PTPRM: variants seen among roughly 807,000 people sequenced by gnomAD.
The protein encoded by PTPRM is protein tyrosine phosphatase receptor type M.
In PTPRM, 47 loss-of-function variants were observed where a neutral mutation model predicts 186.7. The ratio of observed to expected loss-of-function variants is 0.25; its 90% CI spans 0.20 to 0.32. The LOEUF (loss-of-function observed/expected upper bound fraction) is 0.32, where lower values mean the gene tolerates loss of function less well. PTPRM is among the 10% of genes least tolerant of loss of function. The probability of loss-of-function intolerance (pLI) is 1.00; values close to 1 mark genes in which losing one functional copy is unlikely to be tolerated. For synonymous variants in PTPRM, 668 were observed against 674.9 expected (o/e 0.99, Z 0.16); for missense variants, 1,494 against 1,865.0 (o/e 0.80, Z 3.66).
chr18:8,387,464 T>G (rs2095783112), intron 31 of PTPRM, among the ~76,000 whole-genome samples: 1 of 151,124 alleles, frequency 6.6e-6, no homozygotes, highest in Non-Finnish European at 1.5e-5. Context: ...GCACTGACCG[T>G]TTCATTAGGA....
intron 1 of PTPRM, among the ~76,000 whole-genome samples, chr18:7,646,868 G>C (rs1050373474): frequency 6.6e-6 from 1 of 151,754 alleles, no homozygotes; most frequent in Non-Finnish European, 1.5e-5. Context: ...CATCATCCTT[G>C]TTTCCTCCAA....
intron 4 of PTPRM, among the ~76,000 whole-genome samples, chr18:7,907,217 C>A (rs755365476): frequency 6.6e-6 from 1 of 152,228 alleles, no homozygotes; most frequent in Non-Finnish European, 1.5e-5. Flanking sequence ...ATTGCTAGAT[C>A]TGTTTCTCCC....
chr18:7,775,702 T>C (rs996646306), intron 2 of PTPRM, among the ~76,000 whole-genome samples: 3 of 152,224 alleles, frequency 2.0e-5, no homozygotes, highest in African/African-American at 7.2e-5. Flanking sequence ...ATAAAAAATT[T>C]GAAATATTTC....
chr18:8,351,487 A>T (rs1372919311), intron 23 of PTPRM, among the ~76,000 whole-genome samples: 1 of 152,158 alleles, frequency 6.6e-6, no homozygotes, highest in Non-Finnish European at 1.5e-5. Context: ...CTTCTCAGCC[A>T]TTCCTGTGCA....
At chr18:7,840,433 C>A (rs907215050) in intron 2 of PTPRM, among the ~76,000 whole-genome samples, 4 of 152,172 alleles carry the variant, frequency 2.6e-5, no homozygotes, top group African/African-American at 9.7e-5. Flanking sequence ...CTGAAGGTAT[C>A]GTATTTTGAA....
chr18:7,755,348 G>C (rs1362265277), intron 1 of PTPRM: 1 of 152,120 alleles, frequency 6.6e-6, no homozygotes, highest in Non-Finnish European at 1.5e-5. Context: ...TGGATACTGT[G>C]ATCTCTTCAA....
chr18:7,974,104 G>C (rs529247227), intron 7 of PTPRM, among the ~76,000 whole-genome samples: 23 of 152,234 alleles, frequency 1.5e-4, no homozygotes, highest in African/African-American at 5.3e-4. Flanking sequence ...GCCTGAGAAT[G>C]TGGCAGGCAG....
chr18:8,295,577 T>A (rs2095088243), intron 19 of PTPRM, among the ~76,000 whole-genome samples: 1 of 152,300 alleles, frequency 6.6e-6, no homozygotes, highest in East Asian at 1.9e-4. Context: ...AGGAAGTATG[T>A]GAGTACCGTG....
At chr18:7,608,768 C>T (rs1461884267) in intron 1 of PTPRM, among the ~76,000 whole-genome samples, 2 of 152,144 alleles carry the variant, frequency 1.3e-5, no homozygotes, top group South Asian at 2.1e-4. Flanking sequence ...CAGCTGTCTT[C>T]GGGAAGCTGG....
At chr18:8,248,002 C>CTCAA in intron 16 of PTPRM, 83 bp downstream of exon 16, 1 of 1,376,854 alleles carries the variant, frequency 7.3e-7, no homozygotes, top group Non-Finnish European at 1.0e-6. Flanking sequence ...ATCCCTGGTG[C>CTCAA]TTGAGGGGCT....
intron 1 of PTPRM, among the ~76,000 whole-genome samples, chr18:7,768,326 A>T (rs182935227): frequency 6.6e-6 from 1 of 152,112 alleles, no homozygotes; most frequent in Non-Finnish European, 1.5e-5. Context: ...TCTCGTCTCT[A>T]TCAAAGGAAA....
intron 9 of PTPRM, among the ~76,000 whole-genome samples, chr18:8,079,824 T>C (rs760991277): frequency 2.0e-5 from 3 of 152,046 alleles, no homozygotes; most frequent in Admixed American, 6.6e-5. Flanking sequence ...AAAGATACCA[T>C]GAAGGAGGTC....
intron 1 of PTPRM, among the ~76,000 whole-genome samples, chr18:7,635,631 T>G (rs985315379): frequency 6.6e-6 from 1 of 152,248 alleles, no homozygotes. Context: ...GAATAAATAA[T>G]GAACTTGTGA....
intron 1 of PTPRM, among the ~76,000 whole-genome samples, chr18:7,640,826 A>G (rs1021686686): frequency 3.3e-5 from 5 of 152,184 alleles, no homozygotes; most frequent in African/African-American, 9.7e-5. Context: ...CTCTTAGTTG[A>G]GTAGATTGTC....
intron 11 of PTPRM, among the ~76,000 whole-genome samples, chr18:8,106,398 T>G (rs772739219): frequency 2.0e-5 from 3 of 152,132 alleles, no homozygotes; most frequent in Non-Finnish European, 4.4e-5. Flanking sequence ...AGGAGCAGTT[T>G]TAGGGTGAGA....
rs1456646907 is a variant in PTPRM at position 8,143,792 on chromosome 18, C to A, written c.2300+13C>A. On this transcript the variant is annotated intron_variant, in intron 14 of 32. Transcript: ENST00000580170. ...TAATGAAGAAAAGGTGAGCTCCTAGCTGTTGCCAAAGATACAGTTATATCC... is the reference window on the plus strand; with the variant it reads ...TAATGAAGAAAAGGTGAGCTCCTAGATGTTGCCAAAGATACAGTTATATCC... The A allele has an allele frequency of 1.2e-6, 2 of 1,613,608 alleles. No individual in the cohort carries two copies. Among genetic ancestry groups the A allele is most frequent in the Non-Finnish European group, 1.7e-6 (2 of 1,179,524 alleles).
chr18:7,840,949 A>G (rs1055712680), intron 2 of PTPRM, among the ~76,000 whole-genome samples: 6 of 152,196 alleles, frequency 3.9e-5, no homozygotes, highest in Admixed American at 3.3e-4. Flanking sequence ...AATTGACCTG[A>G]GATGAAAGGA....
intron 14 of PTPRM, among the ~76,000 whole-genome samples, chr18:8,225,170 A>AG (rs2094199045): frequency 6.6e-6 from 1 of 152,190 alleles, no homozygotes; most frequent in Admixed American, 6.5e-5. Flanking sequence ...TGTGAAATGC[A>AG]GTTCATATAG....
chr18:7,848,407 G>GA (rs1364286746), intron 2 of PTPRM, among the ~76,000 whole-genome samples: 2 of 151,914 alleles, frequency 1.3e-5, no homozygotes, highest in African/African-American at 2.4e-5. Flanking sequence ...AATATTTCAT[G>GA]AAAAAAATGT....
Sources: allele counts gnomAD v4.1 joint callset (sites outside exome capture counted in the v4.1 genomes callset), GRCh38; gene constraint gnomAD v4.1.1; transcripts MANE v1.5; gene names NCBI Gene and HGNC (gene_info 2026-07-23, HGNC 2026-07-21).